GRK2: variants seen among roughly 807,000 people sequenced by gnomAD.
The protein encoded by GRK2 is adrenergic beta receptor kinase 1.
GRK2 carries 23 observed loss-of-function variants against 97.8 expected under a neutral mutation model. The observed-to-expected ratio is 0.24, with a 90% CI of 0.17 to 0.33. GRK2 has a LOEUF of 0.33. Among genes scored for constraint, GRK2 ranks in the 10% least tolerant of loss-of-function variants. GRK2 has a pLI of 1.00. For synonymous variants in GRK2, 425 were observed against 381.7 expected (o/e 1.11, Z -1.32); for missense variants, 633 against 956.9 (o/e 0.66, Z 4.47).
intron 1 of GRK2, among the ~76,000 whole-genome samples, chr11:67,267,969 G>A (rs1162102126): frequency 6.6e-6 from 1 of 152,188 alleles, no homozygotes; most frequent in Admixed American, 6.5e-5. Context: ...GGGAGCAGAC[G>A]TGCCCGCCAC....
At position 67,277,278 on chromosome 11, in the gene GRK2, C is replaced by T; in HGVS notation, c.120C>T (p.Arg40=). 1 of 1,613,666 alleles carries T rather than the reference C, an allele frequency of 6.2e-7. No homozygotes were observed. Among genetic ancestry groups the T allele is most frequent in the Non-Finnish European group, 8.5e-7 (1 of 1,179,958 alleles). Residue 40 remains arginine (R), a synonymous_variant, in exon 2 of 21, where the codon CGC becomes CGT. Transcript: ENST00000308595. Reference sequence around the variant, plus strand: ...GCGCCCCCCTGACCCACAGCATCCGCAGTGTCATGCAGAAGTACCTGGAGG... The same window carrying T: ...GCGCCCCCCTGACCCACAGCATCCGTAGTGTCATGCAGAAGTACCTGGAGG... The part of the protein sequence containing the change: ...KKILLPEPSI[R]SVMQKYLEDR...
chr11:67,285,131 G>A lies in GRK2; in HGVS notation c.1848G>A (p.Glu616=). The change falls in exon 20 of 21, where the codon GAG becomes GAA. Residue 616 remains glutamate, a synonymous_variant. Transcript: ENST00000308595. ...CGGTGGAGGAGACGCAGATCAAGGA[G>A]CGCAAGTGCCTGCTCCTCAAGATCC... ...IQSVEETQIK[E]RKCLLLKIRG... 1.2e-6 allele frequency: 2 copies of A among 1,613,632 alleles called. No individual in the cohort carries two copies. Among genetic ancestry groups the A allele is most frequent in the Non-Finnish European group, 1.7e-6 (2 of 1,179,964 alleles).
chr11:67,283,118 C>T lies in GRK2; in HGVS notation c.1228-10C>T. On this transcript the variant is annotated splice_polypyrimidine_tract_variant and intron_variant, in intron 14 of 20. Transcript: ENST00000308595. ...CTAAGCCCCTGCTAATGTCCCACTC[C>T]TCTCTAAAGGCCGTGGAGCTGCCCG... 1 of 1,613,468 alleles carries T rather than the reference C, an allele frequency of 6.2e-7. No individual in the cohort carries two copies. Among genetic ancestry groups the T allele is most frequent in the Non-Finnish European group, 8.5e-7 (1 of 1,179,574 alleles).
chr11:67,285,426 G>A lies in GRK2; in HGVS notation c.2046G>A (p.Gln682=). 1.3e-6 allele frequency: 2 copies of A among 1,583,394 alleles called. No individual in the cohort carries two copies. The highest frequency in any genetic ancestry group is 1.7e-6 in the Non-Finnish European group (2 of 1,163,702). The part of the protein sequence containing the change: ...VVELSKVPLV[Q]RGSANGL Reference sequence around the variant, plus strand: ...AGCTGAGCAAGGTGCCGCTGGTCCAGCGCGGCAGTGCCAACGGCCTCTGAC... The same window carrying A: ...AGCTGAGCAAGGTGCCGCTGGTCCAACGCGGCAGTGCCAACGGCCTCTGAC... Residue 682 remains glutamine (Q), a synonymous_variant, in exon 21 of 21, where the codon CAG becomes CAA. Transcript: ENST00000308595.
At position 67,280,131 on chromosome 11, in the gene GRK2, C is replaced by T. The variant is rs576543216; in HGVS notation, c.503+231C>T. ...GCTCAAAGCCCATCCCAGGCAGTCTCCTAGCTCCAGGGAGCTAGGAGAGCT... is the reference window on the plus strand; with the variant it reads ...GCTCAAAGCCCATCCCAGGCAGTCTTCTAGCTCCAGGGAGCTAGGAGAGCT... On this transcript the variant is annotated intron_variant, in intron 6 of 20. Coordinates refer to ENST00000308595, the MANE Select transcript of GRK2 (RefSeq NM_001619.5). 57 of 573,200 alleles carry T rather than the reference C, an allele frequency of 9.9e-5. 1 individual carries two copies. The South Asian group carries it at 1.1e-3, about 11-fold the overall frequency. 35.5% of individuals were successfully genotyped at this position (573,200 alleles called of 1,614,324 possible).
chr11:67,282,081 C>T lies in GRK2; in HGVS notation c.957+129C>T, dbSNP rs1359495310. 2 of 1,336,836 alleles carry T rather than the reference C, an allele frequency of 1.5e-6. No homozygotes were observed. Among genetic ancestry groups the T allele is most frequent in the Admixed American group, 4.1e-5 (2 of 48,952 alleles). 82.8% of individuals were successfully genotyped at this position (1,336,836 alleles called of 1,614,324 possible). Reference sequence around the variant, plus strand: ...GCCGCCCCGTATCTTCCCATCTCCGCCCCTGCCCTTCCCACCGAGCCACTC... The same window carrying T: ...GCCGCCCCGTATCTTCCCATCTCCGTCCCTGCCCTTCCCACCGAGCCACTC... On this transcript the variant is annotated intron_variant, in intron 11 of 20. Transcript: ENST00000308595. The surrounding 1 kb of genome is among the most constrained non-coding windows in gnomAD (Gnocchi z 6.9).
intron 1 of GRK2, among the ~76,000 whole-genome samples, chr11:67,275,231 A>G (rs543431237): frequency 2.6e-4 from 39 of 152,258 alleles, no homozygotes; most frequent in African/African-American, 8.2e-4. Context: ...AGTCCACTGC[A>G]GCCCTTCCTG....
intron 15 of GRK2, 83 bp from the exon 16 acceptor site, chr11:67,283,624 C>T: frequency 7.1e-7 from 1 of 1,406,140 alleles, no homozygotes; most frequent in South Asian, 1.2e-5. Flanking sequence ...CCCAAGTTCA[C>T]AGAGCCAGAA....
intron 1 of GRK2, among the ~76,000 whole-genome samples, chr11:67,271,355 C>T (rs376091913): frequency 6.6e-6 from 1 of 152,244 alleles, no homozygotes; most frequent in African/African-American, 2.4e-5. Flanking sequence ...CAAAAGGACG[C>T]GTCTATGCTG....
chr11:67,281,805 G>C lies in GRK2; in HGVS notation c.827-17G>C. On this transcript the variant is annotated splice_polypyrimidine_tract_variant and intron_variant, in intron 10 of 20. Coordinates refer to ENST00000308595, the MANE Select transcript of GRK2 (RefSeq NM_001619.5). This position sits in a 1 kb window ranked among gnomAD's most constrained non-coding sequence, Gnocchi z 5.7. ...GGGCAAGACACTGAGTGCTGCCTGTGGGACTGCCTCCCTCAGGTGGGGACC... is the reference window on the plus strand; with the variant it reads ...GGGCAAGACACTGAGTGCTGCCTGTCGGACTGCCTCCCTCAGGTGGGGACC... 6.2e-7 allele frequency: 1 copy of C among 1,613,744 alleles called. No individual in the cohort carries two copies.
In GRK2 at chr11:67,282,115, CAGGTTGT is replaced by C; in HGVS notation, c.958-153_958-147del. 1 of 1,233,998 alleles carries C rather than the reference CAGGTTGT, an allele frequency of 8.1e-7. No homozygotes were observed. Among genetic ancestry groups the C allele is most frequent in the Non-Finnish European group, 1.1e-6 (1 of 871,240 alleles). 76.4% of individuals were successfully genotyped at this position (1,233,998 alleles called of 1,614,324 possible). On this transcript the variant is annotated intron_variant, in intron 11 of 20. Transcript: ENST00000308595. The surrounding 1 kb of genome is among the most constrained non-coding windows in gnomAD (Gnocchi z 6.9). ...TTCCCACCGAGCCACTCTCTGGGTC[CAGGTTGT>C]AGCTGGGGACAGGAGAGAGGACCCC... is the stretch of plus-strand genomic sequence containing the variant.
In GRK2 at chr11:67,286,274, G is replaced by T; in HGVS notation, c.*824G>T. On this transcript the variant is annotated 3_prime_UTR_variant, in exon 21 of 21. Coordinates refer to ENST00000308595, the MANE Select transcript of GRK2 (RefSeq NM_001619.5). ...CAGCACAGCAAGGAGGCTGGCTGGG[G>T]CCTATCAGTGTGCCCCCCATCCTGG... 1.6e-6 allele frequency: 1 copy of T among 625,630 alleles called. No individual in the cohort carries two copies. The highest frequency in any genetic ancestry group is 4.1e-4 in the Middle Eastern group (1 of 2,460). 38.8% of individuals were successfully genotyped at this position (625,630 alleles called of 1,614,324 possible).
chr11:67,266,829 CGCGGCCCCGGCCCGACCCCGCGG>C lies in GRK2; in HGVS notation c.113+21_113+43del. On this transcript the variant is annotated intron_variant, in intron 1 of 20. Transcript: ENST00000308595. ...CGAGCCCAGGTGAGGAGAAGCTGCC[CGCGGCCCCGGCCCGACCCCGCGG>C]GCGCCCCGGCCGCGGCCCCGAGACC... 1 of 1,219,982 alleles carries C rather than the reference CGCGGCCCCGGCCCGACCCCGCGG, an allele frequency of 8.2e-7. No homozygotes were observed. The highest frequency in any genetic ancestry group is 2.7e-5 in the South Asian group (1 of 36,864). 75.6% of individuals were successfully genotyped at this position (1,219,982 alleles called of 1,614,324 possible). A position where few individuals can be genotyped will look rare whatever the true frequency, so the allele number is the denominator to read the frequency against.
chr11:67,286,282 GT>G lies in GRK2; in HGVS notation c.*833del. 1.6e-6 allele frequency: 1 copy of G among 634,328 alleles called. No individual in the cohort carries two copies. Among genetic ancestry groups the G allele is most frequent in the Non-Finnish European group, 2.8e-6 (1 of 354,404 alleles). 39.3% of individuals were successfully genotyped at this position (634,328 alleles called of 1,614,324 possible). A position where few individuals can be genotyped will look rare whatever the true frequency, so the allele number is the denominator to read the frequency against. On this transcript the variant is annotated 3_prime_UTR_variant, in exon 21 of 21. Coordinates refer to ENST00000308595, the MANE Select transcript of GRK2 (RefSeq NM_001619.5). Reference sequence around the variant, plus strand: ...CAAGGAGGCTGGCTGGGGCCTATCAGTGTGCCCCCCATCCTGGCCCATCAGT... The same window carrying G: ...CAAGGAGGCTGGCTGGGGCCTATCAGGTGCCCCCCATCCTGGCCCATCAGT...
Position 67,281,525 on chromosome 11 carries a change from C to G in GRK2, c.714C>G (p.Asn238Lys). Residue 238 changes from asparagine (N) to lysine (K), a missense_variant, in exon 9 of 21, where the codon AAC (asparagine) becomes AAG (lysine). Asn to Lys is a moderately conservative substitution (Grantham distance 94, BLOSUM62 0). Around this residue, in one of 4 missense-constraint regions of GRK2, gnomAD observed 192 missense variants for 362.3 expected, o/e 0.53. Transcript: ENST00000308595. This position sits in a 1 kb window ranked among gnomAD's most constrained non-coding sequence, Gnocchi z 5.7. ...KMKQGETLAL[N>K]ERIMLSLVST... ...AGCAGGGGGAGACCCTGGCCCTGAA[C>G]GAGCGCATCATGCTCTCGCTCGTCA... The G allele has an allele frequency of 6.2e-7, 1 of 1,613,616 alleles. No individual in the cohort carries two copies. Among genetic ancestry groups the G allele is most frequent in the Non-Finnish European group, 8.5e-7 (1 of 1,179,960 alleles).
At chr11:67,280,612 G>T in intron 6 of GRK2, 120 bp from the exon 7 acceptor site, 1 of 1,126,964 alleles carries the variant, frequency 8.9e-7, no homozygotes, top group Non-Finnish European at 1.3e-6. Context: ...TAACGCTCGT[G>T]ATGTTTCCAC....
At position 67,282,722 on chromosome 11, in the gene GRK2, T is replaced by C; in HGVS notation, c.1161-30T>C. ...CCTCCCTTTCCCCATTCCTGTCCTTTGACATTGGTTTTTGGCCTTTCTTGC... is the reference window on the plus strand; with the variant it reads ...CCTCCCTTTCCCCATTCCTGTCCTTCGACATTGGTTTTTGGCCTTTCTTGC... On this transcript the variant is annotated intron_variant, in intron 13 of 20. Transcript: ENST00000308595. This position sits in a 1 kb window ranked among gnomAD's most constrained non-coding sequence, Gnocchi z 6.9. 1 of 1,609,828 alleles carries C rather than the reference T, an allele frequency of 6.2e-7. No individual in the cohort carries two copies. Among genetic ancestry groups the C allele is most frequent in the Non-Finnish European group, 8.5e-7 (1 of 1,178,596 alleles).
At chr11:67,280,658 G>A (rs1590852574) in intron 6 of GRK2, 74 bp from the exon 7 acceptor site, 1 of 1,554,392 alleles carries the variant, frequency 6.4e-7, no homozygotes, top group African/African-American at 1.4e-5. Context: ...GTGGCGGCTG[G>A]GTGGGGAGGC....
In GRK2 at chr11:67,283,785, C is replaced by T. The variant is rs773723971; in HGVS notation, c.1395+12C>T. ...TCTTCTTGCAGAAGGTAACAGTCTG[C>T]GGCAGGGACTGGGGGTGCTCTGCAG... On this transcript the variant is annotated intron_variant, in intron 16 of 20. Coordinates refer to ENST00000308595, the MANE Select transcript of GRK2 (RefSeq NM_001619.5). 9.3e-6 allele frequency: 15 copies of T among 1,613,264 alleles called. No homozygotes were observed. The highest frequency in any genetic ancestry group is 1.3e-5 in the African/African-American group (1 of 74,928).
Sources: gnomAD v4.1 joint callset for allele counts (sites outside exome capture counted in the v4.1 genomes callset) on GRCh38, gnomAD v4.1.1 for gene constraint, gnomAD v4.1.1 regional missense constraint, Gnocchi (gnomAD v3.1) non-coding constraint, MANE v1.5 for transcripts, NCBI Gene and HGNC (gene_info 2026-07-23, HGNC 2026-07-21) for gene names.